Variants in EDA observed in about 807,000 individuals in gnomAD.
EDA encodes ectodysplasin-A.
In EDA, 2 loss-of-function variants were observed where a neutral mutation model predicts 23.6. The observed-to-expected ratio is 0.08, with a 90% CI of 0.03 to 0.27. EDA has a LOEUF of 0.27. Ranked by LOEUF, EDA falls within the 10% of genes least tolerant of loss-of-function variation. The pLI is 1.00. For missense variants in EDA, 229 were observed against 324.2 expected (o/e 0.71, Z 2.26); for synonymous variants, 131 against 132.0 (o/e 0.99, Z 0.05).
In EDA at chrX:69,953,233, G is replaced by A. The variant is rs538554519; in HGVS notation, c.397-3794G>A. ...AGATTATAAGCAGCAAATCTGAAAG[G>A]ACTGGAAAAGATGTTACAGGTAGGT... On this transcript the variant is annotated intron_variant, in intron 1 of 7. Transcript: ENST00000374552. Among the ~76,000 whole-genome samples the A allele has an allele frequency of 3.3e-4, 37 of 112,402 alleles. 1 individual carries two copies. The highest frequency in any genetic ancestry group is 1.2e-3 in the African/African-American group (36 of 31,013).
intron 1 of EDA, among the ~76,000 whole-genome samples, chrX:69,755,241 G>A (rs747293019): frequency 8.9e-6 from 1 of 111,968 alleles, no homozygotes; most frequent in South Asian, 3.7e-4. Flanking sequence ...TAGGGTTTTG[G>A]TGTGGATGTC....
chrX:69,811,924 C>T (rs959383299), intron 1 of EDA, among the ~76,000 whole-genome samples: 3 of 111,402 alleles, frequency 2.7e-5, no homozygotes, highest in Non-Finnish European at 3.8e-5. Context: ...ACCAGGCCCT[C>T]TTATCACCTT....
chrX:69,793,570 G>GTTTTTTTTTTTTTTTTTT (rs67241807), intron 1 of EDA, among the ~76,000 whole-genome samples: 28 of 58,755 alleles, frequency 4.8e-4, no homozygotes, highest in Non-Finnish European at 6.7e-4. Flanking sequence ...GTTTGTTTTT[G>GTTTTTTTTTTTTTTTTTT]TTTTTTTTTT....
At chrX:69,837,342 A>G (rs1310060421) in intron 1 of EDA, among the ~76,000 whole-genome samples, 1 of 111,914 alleles carries the variant, frequency 8.9e-6, no homozygotes, top group African/African-American at 3.3e-5. Context: ...CACGACACCT[A>G]TCTTCTGGCT....
Position 69,740,990 on chromosome X carries a change from AT to A in EDA, c.396+124293del, listed in dbSNP as rs996483304. 4.1e-4 allele frequency among the ~76,000 whole-genome samples: 44 copies of A among 108,455 alleles called. 1 individual carries two copies. The highest frequency in any genetic ancestry group is 2.9e-4 in the East Asian group (1 of 3,503). The allele number at this position is 108,455 out of a possible 115,157, so 94.2% of individuals were successfully genotyped here. A position where few individuals can be genotyped will look rare whatever the true frequency, so the allele number is the denominator to read the frequency against. On this transcript the variant is annotated intron_variant, in intron 1 of 7. Transcript: ENST00000374552. ...TTTCAACTCTACAACTTCCATATATATTTTTTTCTATTTCATATATATAGAA... is the reference window on the plus strand; with the variant it reads ...TTTCAACTCTACAACTTCCATATATATTTTTTCTATTTCATATATATAGAA...
intron 1 of EDA, among the ~76,000 whole-genome samples, chrX:69,879,090 C>T (rs930733417): frequency 9.1e-6 from 1 of 110,425 alleles, no homozygotes; most frequent in African/African-American, 3.3e-5. Flanking sequence ...CCCCTCCCCG[C>T]CCCCAACCGC....
intron 1 of EDA, among the ~76,000 whole-genome samples, chrX:69,842,681 A>G (rs900301410): frequency 8.9e-6 from 1 of 111,945 alleles, no homozygotes; most frequent in Non-Finnish European, 1.9e-5. Context: ...GTAATCCCCA[A>G]TGTTGGAGGT....
intron 1 of EDA, among the ~76,000 whole-genome samples, chrX:69,943,523 C>T (rs1336865462): frequency 9.0e-6 from 1 of 111,357 alleles, no homozygotes; most frequent in Non-Finnish European, 1.9e-5. Context: ...TTCCCCCAAA[C>T]AGAGTCTCTG....
intron 1 of EDA, among the ~76,000 whole-genome samples, chrX:69,897,427 A>C (rs2018033892): frequency 8.9e-6 from 1 of 112,063 alleles, no homozygotes; most frequent in South Asian, 3.7e-4. Flanking sequence ...AAAGGGAGAA[A>C]CTTTGAGTTA....
At chrX:69,864,491 A>G (rs1467116777) in intron 1 of EDA, among the ~76,000 whole-genome samples, 1 of 111,719 alleles carries the variant, frequency 9.0e-6, no homozygotes, top group African/African-American at 3.3e-5. Flanking sequence ...TCCCTCTGAC[A>G]TAGTCTACCC....
chrX:69,988,782 G>A (rs1268735957), intron 2 of EDA, among the ~76,000 whole-genome samples: 1 of 111,089 alleles, frequency 9.0e-6, no homozygotes, highest in Admixed American at 9.5e-5. Flanking sequence ...CTTGAACCCG[G>A]GAGGTGGCGG....
At chrX:70,025,354 G>A (rs1210374430) in intron 3 of EDA, among the ~76,000 whole-genome samples, 1 of 111,176 alleles carries the variant, frequency 9.0e-6, no homozygotes, top group Non-Finnish European at 1.9e-5. Context: ...TTGGAACACA[G>A]GACAGCCTAA....
chrX:69,663,707 C>G (rs1450998549), intron 1 of EDA, among the ~76,000 whole-genome samples: 1 of 111,843 alleles, frequency 8.9e-6, no homozygotes, highest in Non-Finnish European at 1.9e-5. Context: ...TACTGTGTAC[C>G]TAGAAAAGCC....
intron 1 of EDA, among the ~76,000 whole-genome samples, chrX:69,674,968 A>G (rs1159381350): frequency 9.0e-6 from 1 of 110,941 alleles, no homozygotes; most frequent in Non-Finnish European, 1.9e-5. Flanking sequence ...GTCCCCTCCA[A>G]CACTATTATC....
chrX:69,902,597 T>C (rs1273402890), intron 1 of EDA, among the ~76,000 whole-genome samples: 1 of 112,131 alleles, frequency 8.9e-6, no homozygotes, highest in Non-Finnish European at 1.9e-5. Flanking sequence ...AGCTATAACA[T>C]TAAAAAAATT....
intron 1 of EDA, among the ~76,000 whole-genome samples, chrX:69,794,828 C>G (rs2015503256): frequency 9.0e-6 from 1 of 111,002 alleles, no homozygotes; most frequent in Admixed American, 9.6e-5. Flanking sequence ...GCTTGGATAA[C>G]TGAATAGAAG....
chrX:69,715,994 T>A (rs1290867808), intron 1 of EDA, among the ~76,000 whole-genome samples: 1 of 112,231 alleles, frequency 8.9e-6, no homozygotes, highest in Non-Finnish European at 1.9e-5. Flanking sequence ...ATGCATAGTT[T>A]ACACATATTT....
At chrX:69,832,678 A>G (rs2016647885) in intron 1 of EDA, among the ~76,000 whole-genome samples, 1 of 111,693 alleles carries the variant, frequency 9.0e-6, no homozygotes, top group Non-Finnish European at 1.9e-5. Flanking sequence ...TGAGCATGGA[A>G]TATTCTTCCA....
chrX:69,983,769 G>A (rs1202413908), intron 2 of EDA, among the ~76,000 whole-genome samples: 45 of 93,171 alleles, frequency 4.8e-4, no homozygotes, highest in Non-Finnish European at 1.3e-4. Context: ...TATCTTTGTG[G>A]CGTTCTCTGT....
Sources: allele counts gnomAD v4.1 joint callset (sites outside exome capture counted in the v4.1 genomes callset), GRCh38; gene constraint gnomAD v4.1.1; transcripts MANE v1.5; gene names NCBI Gene and HGNC (gene_info 2026-07-23, HGNC 2026-07-21).